The following RAP1GAP2 variants were observed in gnomAD, a reference collection of about 807,000 sequenced individuals.
The protein encoded by RAP1GAP2 is rap1 GTPase-activating protein 2.
Under a neutral mutation model 95.0 loss-of-function variants are expected in RAP1GAP2, and 27 were observed. The observed-to-expected ratio is 0.28, with a 90% confidence interval of 0.21 to 0.39. The LOEUF is 0.39. Among genes scored for constraint, RAP1GAP2 ranks in the 10% least tolerant of loss-of-function variants. The pLI is 1.00. For synonymous variants in RAP1GAP2, 373 were observed against 380.9 expected (o/e 0.98, Z 0.24); for missense variants, 771 against 970.0 (o/e 0.79, Z 2.72).
At chr17:2,942,546 G>T (rs929170999) in intron 3 of RAP1GAP2, among the ~76,000 whole-genome samples, 1 of 152,122 alleles carries the variant, frequency 6.6e-6, no homozygotes, top group African/African-American at 2.4e-5. Flanking sequence ...TTGCCTTTCT[G>T]CTGGACAGCT....
intron 3 of RAP1GAP2, among the ~76,000 whole-genome samples, chr17:2,927,768 A>G (rs1211840598): frequency 6.6e-6 from 1 of 152,104 alleles, no homozygotes; most frequent in African/African-American, 2.4e-5. Context: ...GGGCATCTCT[A>G]CCTGCTTCCT....
chr17:2,785,136 G>A (rs907256269), intron 1 of RAP1GAP2, among the ~76,000 whole-genome samples: 2 of 152,208 alleles, frequency 1.3e-5, no homozygotes, highest in Admixed American at 6.5e-5. Flanking sequence ...TGAGCAGAGC[G>A]TTGGCAGGGG....
At chr17:2,973,740 C>T (rs529909300) in intron 8 of RAP1GAP2, among the ~76,000 whole-genome samples, 14 of 152,200 alleles carry the variant, frequency 9.2e-5, no homozygotes, top group South Asian at 2.1e-4. Context: ...GTCATAAAGA[C>T]GTTCCGGAAG....
chr17:2,833,689 C>CAAAAAAAAAAAAAA (rs112909808), intron 2 of RAP1GAP2, among the ~76,000 whole-genome samples: 1 of 53,690 alleles, frequency 1.9e-5, no homozygotes. Context: ...GACTCCGTCT[C>CAAAAAAAAAAAAAA]AAAAAAAAAA....
chr17:3,022,754 A>C (rs563453844), intron 19 of RAP1GAP2, among the ~76,000 whole-genome samples: 6 of 152,058 alleles, frequency 3.9e-5, no homozygotes, highest in African/African-American at 1.4e-4. Flanking sequence ...CCATTTGTCT[A>C]TTTTTGCTTT....
intron 3 of RAP1GAP2, among the ~76,000 whole-genome samples, chr17:2,908,215 C>T (rs573055046): frequency 1.3e-4 from 20 of 152,020 alleles, no homozygotes; most frequent in African/African-American, 4.6e-4. Flanking sequence ...AGAGAGAAGG[C>T]GACAGCAAGA....
intron 2 of RAP1GAP2, among the ~76,000 whole-genome samples, chr17:2,895,575 T>G (rs2041791257): frequency 1.2e-5 from 1 of 85,858 alleles, no homozygotes; most frequent in South Asian, 4.1e-4. Context: ...GCATTTGCCC[T>G]TCCCCGCTAC....
chr17:2,806,675 G>A (rs1268927214), intron 2 of RAP1GAP2, among the ~76,000 whole-genome samples: 1 of 151,288 alleles, frequency 6.6e-6, no homozygotes, highest in Admixed American at 6.6e-5. Context: ...GGGATTACAG[G>A]TGTGAGCCAC....
chr17:2,854,136 C>G, intron 2 of RAP1GAP2: 2 of 985,432 alleles, frequency 2.0e-6, no homozygotes, highest in Non-Finnish European at 2.4e-6. Flanking sequence ...CTTCCCTCCG[C>G]TCTCCTGCTG....
chr17:2,779,825 C>T (rs1000636535), intron 1 of RAP1GAP2, among the ~76,000 whole-genome samples: 5 of 150,738 alleles, frequency 3.3e-5, no homozygotes, highest in African/African-American at 7.3e-5. Flanking sequence ...GGAAGGTGAG[C>T]GGGTTGGCAG....
At chr17:2,999,260 C>T (rs904522136) in intron 14 of RAP1GAP2, among the ~76,000 whole-genome samples, 3 of 152,220 alleles carry the variant, frequency 2.0e-5, no homozygotes, top group African/African-American at 4.8e-5. Flanking sequence ...TCTTGGGCAA[C>T]AGTCTCTTGG....
At chr17:2,883,871 T>G (rs1038583208) in intron 2 of RAP1GAP2, among the ~76,000 whole-genome samples, 4 of 152,260 alleles carry the variant, frequency 2.6e-5, no homozygotes, top group African/African-American at 9.6e-5. Context: ...CCTGCTCACC[T>G]TCTGGTCCAG....
At chr17:2,868,308 A>T (rs746629065) in intron 2 of RAP1GAP2, among the ~76,000 whole-genome samples, 1 of 152,116 alleles carries the variant, frequency 6.6e-6, no homozygotes, top group Non-Finnish European at 1.5e-5. Flanking sequence ...GGTCTTAGAG[A>T]TAGGCACCTC....
chr17:2,965,613 AGGGGAT>A lies in RAP1GAP2; in HGVS notation c.567_572del (p.Glu189_Ile191delinsAsp). 6.2e-7 allele frequency: 1 copy of A among 1,611,786 alleles called. No homozygotes were observed. The highest frequency in any genetic ancestry group is 1.1e-5 in the South Asian group (1 of 90,526). On this transcript the variant is annotated inframe_deletion, in exon 8 of 25. Transcript: ENST00000254695. The surrounding 1 kb of genome is among the most constrained non-coding windows in gnomAD (Gnocchi z 4.7). ...CTGTCCGTCAAGTGCGAGGAAGCAG[AGGGGAT>A]CGAGTACCTCCGGGTCATCCTTAGG...
At chr17:2,798,923 C>CCGGTTCCAG (rs945493032) in intron 1 of RAP1GAP2, among the ~76,000 whole-genome samples, 10 of 152,154 alleles carry the variant, frequency 6.6e-5, no homozygotes, top group South Asian at 2.1e-4. Context: ...ACCAGGAGCC[C>CCGGTTCCAG]CGGTTCCAGC....
intron 3 of RAP1GAP2, among the ~76,000 whole-genome samples, chr17:2,938,117 C>A (rs565849573): frequency 6.6e-6 from 1 of 152,174 alleles, no homozygotes; most frequent in Non-Finnish European, 1.5e-5. Flanking sequence ...GAGGACATTT[C>A]GTGTCTCACC....
chr17:2,915,026 G>A (rs570128419), intron 3 of RAP1GAP2, among the ~76,000 whole-genome samples: 37 of 150,192 alleles, frequency 2.5e-4, no homozygotes, highest in Non-Finnish European at 4.6e-4. Flanking sequence ...TCCTGACCTC[G>A]TGATCCGCCC....
At position 2,796,592 on chromosome 17, in the gene RAP1GAP2, TG is replaced by T; in HGVS notation, c.44+26del. 1 of 1,553,578 alleles carries T rather than the reference TG, an allele frequency of 6.4e-7. No individual in the cohort carries two copies. The highest frequency in any genetic ancestry group is 2.4e-5 in the East Asian group (1 of 41,294). Reference sequence around the variant, plus strand: ...GGATGGTGGGTGACAGGTGGGAGGGTGGGGGAATGATGGGAGAGAACTTAGA... The same window carrying T: ...GGATGGTGGGTGACAGGTGGGAGGGTGGGGAATGATGGGAGAGAACTTAGA... On this transcript the variant is annotated intron_variant, in intron 1 of 24. Transcript: ENST00000254695. The surrounding 1 kb of genome is among the most constrained non-coding windows in gnomAD (Gnocchi z 4.7).
intron 2 of RAP1GAP2, among the ~76,000 whole-genome samples, chr17:2,901,697 G>A (rs1412580897): frequency 6.6e-6 from 1 of 151,868 alleles, no homozygotes; most frequent in Non-Finnish European, 1.5e-5. Flanking sequence ...GGAGAAAAAG[G>A]GATAAAACTG....
Sources: allele counts gnomAD v4.1 joint callset (sites outside exome capture counted in the v4.1 genomes callset), GRCh38; gene constraint gnomAD v4.1.1; non-coding constraint Gnocchi (gnomAD v3.1); transcripts MANE v1.5; gene names NCBI Gene and HGNC (gene_info 2026-07-23, HGNC 2026-07-21).